Variants in CLEC5A observed in about 807,000 individuals in gnomAD.
CLEC5A encodes C-type lectin domain family 5 member A.
In CLEC5A, 15 loss-of-function variants were observed where a neutral mutation model predicts 24.4. That is an observed-to-expected ratio of 0.62 (90% CI 0.41 to 0.95). The LOEUF (loss-of-function observed/expected upper bound fraction) is 0.95, where lower values mean the gene tolerates loss of function less well. Ranked by LOEUF, CLEC5A falls within the 40% of genes least tolerant of loss-of-function variation. CLEC5A has a pLI of 0.00. For synonymous variants in CLEC5A, 71 were observed against 72.6 expected (o/e 0.98, Z 0.11); for missense variants, 211 against 224.0 (o/e 0.94, Z 0.37).
intron 6 of CLEC5A, 50 bp from the exon 7 acceptor site, chr7:141,930,268 A>G (rs1584840734): frequency 1.5e-6 from 2 of 1,367,254 alleles, no homozygotes; most frequent in East Asian, 4.6e-5. Flanking sequence ...AAAACAAAGC[A>G]TGGTGATGGC....
chr7:141,936,121 A>G, intron 4 of CLEC5A, 171 bp from the exon 5 acceptor site: 2 of 632,216 alleles, frequency 3.2e-6, no homozygotes, highest in Admixed American at 5.8e-5. Flanking sequence ...GTTCCTTGAC[A>G]ATAATATAAG....
rs1554441871 is a variant in CLEC5A at position 141,943,957 on chromosome 7, C to A, written c.147G>T (p.Gln49His). The change falls in exon 4 of 7, where the codon CAG (glutamine) becomes CAT (histidine). Residue 49 changes from glutamine to histidine, a missense_variant. Gln to His is a conservative substitution (Grantham distance 24). Coordinates refer to ENST00000546910, the MANE Select transcript of CLEC5A (RefSeq NM_013252.3). ...GACTTGGGGAACTGCTCCCAAAAAT[C>A]TGTGAGACTAAAGTGAAAAGTAAAC... Reference protein sequence around the residue: ...TTTRSYGTVSQIFGSSSPSPN... With the variant: ...TTTRSYGTVSHIFGSSSPSPN... 1 of 1,603,826 alleles carries A rather than the reference C, an allele frequency of 6.2e-7. No individual in the cohort carries two copies. The highest frequency in any genetic ancestry group is 8.5e-7 in the Non-Finnish European group (1 of 1,170,982).
At chr7:141,935,358 A>G (rs1554440933) in intron 5 of CLEC5A, among the ~76,000 whole-genome samples, 3 of 152,070 alleles carry the variant, frequency 2.0e-5, no homozygotes, top group African/African-American at 7.3e-5. Context: ...CTGCAAATTC[A>G]GTATGACCTG....
chr7:141,929,467 G>A lies in CLEC5A; in HGVS notation c.*637C>T, dbSNP rs948710734. Reference sequence around the variant, plus strand: ...TTGCTGAAGAACAGAAATCTAGTGTGTTTGGCTCCCTTGGCTGCCTGGTTT... The same window carrying A: ...TTGCTGAAGAACAGAAATCTAGTGTATTTGGCTCCCTTGGCTGCCTGGTTT... On this transcript the variant is annotated 3_prime_UTR_variant, in exon 7 of 7. Transcript: ENST00000546910. 1 of 152,220 alleles carries A rather than the reference G, an allele frequency of 6.6e-6. No individual in the cohort carries two copies. Among genetic ancestry groups the A allele is most frequent in the African/African-American group, 2.4e-5 (1 of 41,432 alleles). 9.4% of individuals were successfully genotyped at this position (152,220 alleles called of 1,614,324 possible).
chr7:141,932,228 G>A (rs1177416465), intron 5 of CLEC5A, among the ~76,000 whole-genome samples: 2 of 152,186 alleles, frequency 1.3e-5, no homozygotes, highest in African/African-American at 4.8e-5. Flanking sequence ...GATTGTTTTT[G>A]TTGCCAGAAA....
chr7:141,936,471 A>G (rs1349206228), intron 4 of CLEC5A: 1 of 157,526 alleles, frequency 6.3e-6, no homozygotes, highest in Non-Finnish European at 1.4e-5. Flanking sequence ...AAACGGACCA[A>G]ACTCAGCTGA....
intron 5 of CLEC5A, among the ~76,000 whole-genome samples, 187 bp from the exon 6 acceptor site, chr7:141,932,013 A>G (rs1285937): frequency 0.99 from 150,506 of 152,256 alleles, 74,414 homozygotes; most frequent in Middle Eastern, 1. Context: ...AATTTGGAAA[A>G]CCTGAGGTCT....
At position 141,936,297 on chromosome 7, in the gene CLEC5A, C is replaced by T. The variant is rs145876531; in HGVS notation, c.209-347G>A. 9.9e-3 allele frequency: 3,123 copies of T among 315,472 alleles called. 25 individuals are homozygous for T. The highest frequency in any genetic ancestry group is 0.015 in the Middle Eastern group (14 of 922). The allele number at this position is 315,472 out of a possible 1,614,324, so 19.5% of individuals were successfully genotyped here. On this transcript the variant is annotated intron_variant, in intron 4 of 6. Coordinates refer to ENST00000546910, the MANE Select transcript of CLEC5A (RefSeq NM_013252.3). ...ACCTGGATAGCTGAAAGAGGCACTG[C>T]AGAGGGTAGGAAAGATAGTCTTGAA...
chr7:141,937,279 C>T (rs1183832929), intron 4 of CLEC5A, among the ~76,000 whole-genome samples: 1 of 151,956 alleles, frequency 6.6e-6, no homozygotes, highest in African/African-American at 2.4e-5. Flanking sequence ...CTGCCCTGAG[C>T]CAGATAGGAG....
intron 5 of CLEC5A, among the ~76,000 whole-genome samples, chr7:141,935,391 A>T (rs1554440939): frequency 6.6e-6 from 1 of 152,142 alleles, no homozygotes; most frequent in African/African-American, 2.4e-5. Flanking sequence ...TCACACTACT[A>T]ATTTTGTCAG....
chr7:141,940,022 C>A (rs1379671302), intron 4 of CLEC5A, among the ~76,000 whole-genome samples: 1 of 152,008 alleles, frequency 6.6e-6, no homozygotes, highest in Non-Finnish European at 1.5e-5. Context: ...AGCATTGGAC[C>A]GATCTTTCAG....
At position 141,929,989 on chromosome 7, in the gene CLEC5A, A is replaced by G; in HGVS notation, c.*115T>C. 2.7e-6 allele frequency: 2 copies of G among 731,192 alleles called. No homozygotes were observed. Among genetic ancestry groups the G allele is most frequent in the Non-Finnish European group, 2.2e-6 (1 of 448,552 alleles). 45.3% of individuals were successfully genotyped at this position (731,192 alleles called of 1,614,324 possible). ...AGAAGAAAGAAGCTCAGTTTCCCAA[A>G]TGGGCAAGGACCGCTACTGGTAGAC... On this transcript the variant is annotated 3_prime_UTR_variant, in exon 7 of 7. Coordinates refer to ENST00000546910, the MANE Select transcript of CLEC5A (RefSeq NM_013252.3).
In CLEC5A at chr7:141,931,726, T is replaced by C. The variant is rs573500737; in HGVS notation, c.446A>G (p.Asn149Ser). ...CTGTGGCATGTTCACGTACTTGCCA[T>C]TGAACACAGAGTTGTTGATCCAACG... ...RWRWINNSVF[N>S]GNVTNQNQNF... Residue 149 changes from asparagine to serine, a missense_variant, in exon 6 of 7, where the codon AAT becomes AGT. Coordinates refer to ENST00000546910, the MANE Select transcript of CLEC5A (RefSeq NM_013252.3). 78 of 1,551,860 alleles carry C rather than the reference T, an allele frequency of 5.0e-5. 1 individual carries two copies. In the South Asian group the frequency reaches 7.8e-4, roughly 16 times the overall value.
At chr7:141,941,484 A>G (rs1247751215) in intron 4 of CLEC5A, among the ~76,000 whole-genome samples, 1 of 152,158 alleles carries the variant, frequency 6.6e-6, no homozygotes, top group Non-Finnish European at 1.5e-5. Context: ...TGAATGGGGA[A>G]AAAATGAAAG....
At chr7:141,934,048 A>G (rs1802545360) in intron 5 of CLEC5A, among the ~76,000 whole-genome samples, 1 of 151,414 alleles carries the variant, frequency 6.6e-6, no homozygotes, top group South Asian at 2.1e-4. Flanking sequence ...CCACCCACCC[A>G]CTCCCCTAGG....
intron 4 of CLEC5A, among the ~76,000 whole-genome samples, chr7:141,943,385 C>A (rs1802855881): frequency 6.6e-6 from 1 of 151,540 alleles, no homozygotes; most frequent in Non-Finnish European, 1.5e-5. Flanking sequence ...CAATTGAACT[C>A]ATGGAGATAG....
intron 5 of CLEC5A, among the ~76,000 whole-genome samples, chr7:141,934,344 A>C (rs1393843365): frequency 6.6e-6 from 1 of 152,220 alleles, no homozygotes; most frequent in African/African-American, 2.4e-5. Flanking sequence ...CAAATAATTG[A>C]GGAAGAAAAG....
Position 141,934,613 on chromosome 7 carries a change from G to GTTTT in CLEC5A, c.345+1197_345+1200dup, listed in dbSNP as rs577797546. ...GATGACCTTTGTCTTTTTCTTTAAC[G>GTTTT]TTTTTTTTTTTTTTTTTTTTTTTTT... On this transcript the variant is annotated intron_variant, in intron 5 of 6. Transcript: ENST00000546910. Among the ~76,000 whole-genome samples, 149 of 61,796 alleles carry GTTTT rather than the reference G, an allele frequency of 2.4e-3. 10 individuals carry two copies. Among genetic ancestry groups the GTTTT allele is most frequent in the African/African-American group, 8.9e-3 (137 of 15,406 alleles). 40.5% of individuals were successfully genotyped at this position (61,796 alleles called of 152,430 possible).
At chr7:141,930,276 G>T in intron 6 of CLEC5A, 58 bp from the exon 7 acceptor site, 5 of 1,327,838 alleles carry the variant, frequency 3.8e-6, no homozygotes, top group Non-Finnish European at 5.3e-6. Context: ...GCATGGTGAT[G>T]GCCCATCATT....
Sources: allele counts gnomAD v4.1 joint callset (sites outside exome capture counted in the v4.1 genomes callset), GRCh38; gene constraint gnomAD v4.1.1; transcripts MANE v1.5; gene names NCBI Gene and HGNC (gene_info 2026-07-23, HGNC 2026-07-21).